SPAG16: variants seen among roughly 807,000 people sequenced by gnomAD.
SPAG16 encodes the protein sperm-associated antigen 16 protein.
In SPAG16, 86 loss-of-function variants were observed where a neutral mutation model predicts 80.4. The observed-to-expected ratio is 1.07, with a 90% confidence interval of 0.90 to 1.28. The LOEUF is 1.28. Among genes scored for constraint, SPAG16 ranks in the 50% most tolerant of loss-of-function variants. The pLI, the probability that SPAG16 is intolerant of heterozygous loss-of-function variation, is 0.00. For missense variants in SPAG16, 870 were observed against 765.3 expected (o/e 1.14, Z -1.61); for synonymous variants, 294 against 265.9 (o/e 1.11, Z -1.03).
At chr2:213,460,343 G>A (rs934387650) in intron 9 of SPAG16, among the ~76,000 whole-genome samples, 10 of 152,170 alleles carry the variant, frequency 6.6e-5, no homozygotes, top group African/African-American at 2.4e-4. Context: ...CTTGTAATTA[G>A]TTGATCTATA....
At chr2:213,344,634 G>T (rs1282831412) in intron 6 of SPAG16, among the ~76,000 whole-genome samples, 3 of 151,898 alleles carry the variant, frequency 2.0e-5, no homozygotes, top group African/African-American at 7.3e-5. Flanking sequence ...GCGGTGTTTG[G>T]TTTTTTGTCC....
At chr2:214,211,391 A>C (rs1440916314) in intron 15 of SPAG16, among the ~76,000 whole-genome samples, 2 of 152,234 alleles carry the variant, frequency 1.3e-5, no homozygotes. Context: ...ATATGGGTAC[A>C]ACTGGCCTTG....
chr2:213,364,017 G>A, intron 7 of SPAG16, 59 bp from the exon 8 acceptor site: 1 of 743,282 alleles, frequency 1.3e-6, no homozygotes, highest in Non-Finnish European at 2.0e-6. Context: ...TGTGTTTTAT[G>A]TAACCTTTTT....
chr2:213,816,972 C>A (rs2072581954), intron 10 of SPAG16, among the ~76,000 whole-genome samples: 1 of 151,634 alleles, frequency 6.6e-6, no homozygotes. Context: ...ATGAGCTTCC[C>A]CTACAGCAAT....
Position 213,490,041 on chromosome 2 carries a change from G to A in SPAG16, c.1021G>A (p.Asp341Asn), listed in dbSNP as rs866028861. The A allele has an allele frequency of 6.2e-7, 1 of 1,609,574 alleles. No individual in the cohort carries two copies. Among genetic ancestry groups the A allele is most frequent in the Non-Finnish European group, 8.5e-7 (1 of 1,178,044 alleles). Reference protein sequence around the residue: ...SKESLSPAKFDYKLKNIFRLH... With the variant: ...SKESLSPAKFNYKLKNIFRLH... ...AGAAAGTCTTTCTCCAGCAAAATTT[G>A]ACTACAAGCTGAAAAACATTTTTAG... Residue 341 changes from aspartate (D) to asparagine (N), a missense_variant, in exon 10 of 16, where the codon GAC becomes AAC. Coordinates refer to ENST00000331683, the MANE Select transcript of SPAG16 (RefSeq NM_024532.5).
At chr2:213,295,579 C>T (rs895125482) in intron 1 of SPAG16, among the ~76,000 whole-genome samples, 3 of 151,758 alleles carry the variant, frequency 2.0e-5, no homozygotes, top group Admixed American at 6.6e-5. Flanking sequence ...TAAATATTGG[C>T]GTGCATTTGT....
At chr2:214,086,316 T>C (rs1442862491) in intron 13 of SPAG16, among the ~76,000 whole-genome samples, 1 of 152,240 alleles carries the variant, frequency 6.6e-6, no homozygotes, top group Non-Finnish European at 1.5e-5. Context: ...TGTTTAGTCA[T>C]GATAATTTAT....
At chr2:213,735,028 A>G (rs2067221976) in intron 10 of SPAG16, among the ~76,000 whole-genome samples, 1 of 151,950 alleles carries the variant, frequency 6.6e-6, no homozygotes, top group African/African-American at 2.4e-5. Context: ...GATATACTCC[A>G]TATCTGCTTA....
chr2:213,489,940 T>C, intron 9 of SPAG16, 23 bp from the exon 10 acceptor site: 1 of 1,582,048 alleles, frequency 6.3e-7, no homozygotes, highest in Non-Finnish European at 8.6e-7. Flanking sequence ...AACACAGAGC[T>C]CTTGTTTAAT....
chr2:214,311,440 G>C (rs1292412031), intron 15 of SPAG16, among the ~76,000 whole-genome samples: 1 of 152,196 alleles, frequency 6.6e-6, no homozygotes, highest in Non-Finnish European at 1.5e-5. Context: ...CCTGCTGGAA[G>C]TTCCCAAATT....
chr2:213,476,806 C>T (rs1049318884), intron 9 of SPAG16, among the ~76,000 whole-genome samples: 7 of 152,146 alleles, frequency 4.6e-5, no homozygotes, highest in Middle Eastern at 3.4e-3. Flanking sequence ...CTTTTACTCT[C>T]GCTGCCCACA....
At chr2:214,070,312 A>G (rs915207485) in intron 13 of SPAG16, among the ~76,000 whole-genome samples, 1 of 151,882 alleles carries the variant, frequency 6.6e-6, no homozygotes, top group Non-Finnish European at 1.5e-5. Flanking sequence ...CCAGATGAAT[A>G]TTTACTTATC....
chr2:213,423,293 T>C (rs552402687), intron 9 of SPAG16, among the ~76,000 whole-genome samples: 4 of 152,234 alleles, frequency 2.6e-5, no homozygotes, highest in Non-Finnish European at 5.9e-5. Flanking sequence ...ATTCCTAGAC[T>C]GAAACTTGCT....
intron 10 of SPAG16, among the ~76,000 whole-genome samples, chr2:213,846,293 G>A (rs908006117): frequency 1.1e-4 from 16 of 151,890 alleles, no homozygotes; most frequent in African/African-American, 3.6e-4. Context: ...ACATACATAA[G>A]TATAAATTAT....
rs1197199906 is a variant in SPAG16 at position 214,359,256 on chromosome 2, A to G, written c.1721-50884A>G. Reference sequence around the variant, plus strand: ...ATAGATGAGAAAATAATCTTAGAGAAGTTAATTTTTCAAGTTTGTATAGGT... The same window carrying G: ...ATAGATGAGAAAATAATCTTAGAGAGGTTAATTTTTCAAGTTTGTATAGGT... On this transcript the variant is annotated intron_variant, in intron 15 of 15. Transcript: ENST00000331683. 4.6e-5 allele frequency among the ~76,000 whole-genome samples: 7 copies of G among 151,874 alleles called. 1 individual carries two copies. Among genetic ancestry groups the G allele is most frequent in the Admixed American group, 3.3e-4 (5 of 15,200 alleles).
intron 10 of SPAG16, among the ~76,000 whole-genome samples, chr2:213,795,471 A>T (rs1293305164): frequency 6.6e-6 from 1 of 152,208 alleles, no homozygotes; most frequent in Non-Finnish European, 1.5e-5. Context: ...TCCTTCACAC[A>T]CAAAACATTC....
chr2:213,859,537 C>T (rs1304334568), intron 10 of SPAG16, among the ~76,000 whole-genome samples: 5 of 152,066 alleles, frequency 3.3e-5, no homozygotes, highest in African/African-American at 9.7e-5. Context: ...TAAGCATTTA[C>T]TGGGAATGAT....
At chr2:213,496,559 TAA>T (rs2074496831) in intron 10 of SPAG16, among the ~76,000 whole-genome samples, 1 of 152,094 alleles carries the variant, frequency 6.6e-6, no homozygotes, top group African/African-American at 2.4e-5. Flanking sequence ...ACACCAGAAA[TAA>T]AGTTACTAAG....
intron 10 of SPAG16, among the ~76,000 whole-genome samples, chr2:213,697,085 G>C (rs945777875): frequency 1.3e-5 from 2 of 152,114 alleles, no homozygotes; most frequent in Admixed American, 6.5e-5. Context: ...CGTGAGCAGG[G>C]ACACTTCATT....
Sources: allele counts gnomAD v4.1 joint callset (sites outside exome capture counted in the v4.1 genomes callset), GRCh38; gene constraint gnomAD v4.1.1; transcripts MANE v1.5; gene names NCBI Gene and HGNC (gene_info 2026-07-23, HGNC 2026-07-21).